Variants in STAT3 observed in about 807,000 individuals in gnomAD.
The protein encoded by STAT3 is DNA-binding protein APRF.
In STAT3, 7 loss-of-function variants were observed where a neutral mutation model predicts 114.3. The observed-to-expected ratio is 0.06, with a 90% confidence interval of 0.03 to 0.11. The LOEUF is 0.11. STAT3 is among the 10% of genes least tolerant of loss of function. The probability of loss-of-function intolerance (pLI) is 1.00; values close to 1 mark genes in which losing one functional copy is unlikely to be tolerated. For synonymous variants in STAT3, 331 were observed against 354.5 expected, an observed-to-expected ratio of 0.93 and a Z score of 0.74; for missense variants, 364 against 960.9, an observed-to-expected ratio of 0.38 and a Z score of 8.21.
chr17:42,330,394 G>C (rs1025703838), intron 11 of STAT3, among the ~76,000 whole-genome samples: 8 of 150,804 alleles, frequency 5.3e-5, no homozygotes, highest in African/African-American at 1.9e-4. Flanking sequence ...GAGATTACAG[G>C]CGTGAGCCAC....
intron 5 of STAT3, 115 bp from the exon 6 acceptor site, chr17:42,338,927 T>C (rs1000379861): frequency 3.4e-6 from 3 of 881,658 alleles, no homozygotes; most frequent in Admixed American, 4.3e-5. Context: ...AAAAGATACA[T>C]GCAGGACCTG....
chr17:42,331,469 T>C lies in STAT3; in HGVS notation c.1109+3A>G, dbSNP rs749681814. ...AAAACAGAGCTAAGATAGGAGTACT[T>C]ACTTGTCAATGCACACTTTAATTTT... is the stretch of plus-strand genomic sequence containing the variant. On this transcript the variant is annotated splice_donor_region_variant and intron_variant, in intron 11 of 23. Transcript: ENST00000264657. 2 of 1,612,866 alleles carry C rather than the reference T, an allele frequency of 1.2e-6. No homozygotes were observed. The highest frequency in any genetic ancestry group is 2.7e-5 in the African/African-American group (2 of 74,896).
chr17:42,364,238 T>C (rs897339590), intron 1 of STAT3, among the ~76,000 whole-genome samples: 1 of 152,108 alleles, frequency 6.6e-6, no homozygotes, highest in Non-Finnish European at 1.5e-5. Flanking sequence ...TATATATAGG[T>C]TTGGTTATCT....
intron 1 of STAT3, among the ~76,000 whole-genome samples, chr17:42,375,494 C>G (rs372231461): frequency 2.6e-4 from 40 of 152,318 alleles, no homozygotes; most frequent in African/African-American, 8.9e-4. Context: ...AAACTCTTCG[C>G]TCTCATGGCC....
intron 1 of STAT3, among the ~76,000 whole-genome samples, chr17:42,369,511 G>C (rs889853503): frequency 2.6e-5 from 4 of 152,132 alleles, no homozygotes; most frequent in African/African-American, 7.2e-5. Flanking sequence ...TGTGAATAGT[G>C]CTGCAAGTAA....
intron 2 of STAT3, 106 bp downstream of exon 2, chr17:42,348,283 A>G: frequency 6.7e-7 from 1 of 1,487,924 alleles, no homozygotes; most frequent in Non-Finnish European, 9.3e-7. Flanking sequence ...CATCACCTGT[A>G]CCCATACATT....
At chr17:42,368,393 C>T (rs776615472) in intron 1 of STAT3, among the ~76,000 whole-genome samples, 1 of 152,168 alleles carries the variant, frequency 6.6e-6, no homozygotes, top group Non-Finnish European at 1.5e-5. Flanking sequence ...GATATGCAGA[C>T]ACTAAAATCG....
intron 8 of STAT3, among the ~76,000 whole-genome samples, chr17:42,334,910 G>A (rs1255613157): frequency 1.3e-5 from 2 of 152,122 alleles, no homozygotes; most frequent in East Asian, 1.9e-4. Flanking sequence ...TGCAGAACAC[G>A]AAATATGGAA....
intron 1 of STAT3, among the ~76,000 whole-genome samples, chr17:42,364,708 C>T (rs891011214): frequency 6.6e-6 from 1 of 152,160 alleles, no homozygotes; most frequent in African/African-American, 2.4e-5. Context: ...GTCTCAAACT[C>T]CTGACCTCAA....
At chr17:42,367,569 T>C (rs922168180) in intron 1 of STAT3, among the ~76,000 whole-genome samples, 8 of 152,144 alleles carry the variant, frequency 5.3e-5, no homozygotes, top group Non-Finnish European at 7.4e-5. Flanking sequence ...TGATAGGCTC[T>C]TTCCCTAGAT....
At chr17:42,332,966 A>C (rs778888146) in intron 10 of STAT3, among the ~76,000 whole-genome samples, 1 of 152,176 alleles carries the variant, frequency 6.6e-6, no homozygotes, top group African/African-American at 2.4e-5. Context: ...ATGCCACTGC[A>C]CACCAGCCTG....
chr17:42,315,353 CAGA>C lies in STAT3; in HGVS notation c.*389_*391del. The C allele has an allele frequency of 2.4e-6, 1 of 422,524 alleles. No individual in the cohort carries two copies. The highest frequency in any genetic ancestry group is 4.4e-6 in the Non-Finnish European group (1 of 228,646). 26.2% of individuals were successfully genotyped at this position (422,524 alleles called of 1,614,324 possible). ...TGTGGCATTTGCTTACAGAAACAGG[CAGA>C]AGGATGCCGCAGGCACCAGGAGGCA... On this transcript the variant is annotated 3_prime_UTR_variant, in exon 24 of 24. Transcript: ENST00000264657.
intron 1 of STAT3, among the ~76,000 whole-genome samples, chr17:42,361,267 C>T (rs149949799): frequency 5.5e-4 from 83 of 152,144 alleles, no homozygotes; most frequent in Non-Finnish European, 1.0e-3. Flanking sequence ...GATCAGCTGA[C>T]GTCAGGAGTT....
At chr17:42,323,437 C>G (rs1218081663) in intron 18 of STAT3, 83 bp from the exon 19 acceptor site, 1 of 1,570,626 alleles carries the variant, frequency 6.4e-7, no homozygotes, top group African/African-American at 1.4e-5. Flanking sequence ...TCACCCAAAT[C>G]CTCAGGCCCG....
intron 2 of STAT3, among the ~76,000 whole-genome samples, chr17:42,348,060 A>G (rs1162314707): frequency 6.6e-6 from 1 of 152,244 alleles, no homozygotes; most frequent in Non-Finnish European, 1.5e-5. Flanking sequence ...CAGAATTCAC[A>G]TTCAGAGAAA....
rs397857989 is a variant in STAT3 at position 42,313,379 on chromosome 17, C to CAA, written c.*2364_*2365dup. ...AGTTAAAGTAGATACAGCAATATACCAAAAAAAAAAAAAAAAAAAAAAGAC... is the reference window on the plus strand; with the variant it reads ...AGTTAAAGTAGATACAGCAATATACCAAAAAAAAAAAAAAAAAAAAAAAAGAC... On this transcript the variant is annotated 3_prime_UTR_variant, in exon 24 of 24. Coordinates refer to ENST00000264657, the MANE Select transcript of STAT3 (RefSeq NM_139276.3). 382 of 85,998 alleles carry CAA rather than the reference C, an allele frequency of 4.4e-3. 1 individual carries two copies. The highest frequency in any genetic ancestry group is 0.012 in the African/African-American group (192 of 16,128). 5.3% of individuals were successfully genotyped at this position (85,998 alleles called of 1,614,324 possible).
chr17:42,348,578 A>G, intron 1 of STAT3, 39 bp from the exon 2 acceptor site: 8 of 1,610,110 alleles, frequency 5.0e-6, no homozygotes, highest in African/African-American at 1.3e-5. Context: ...CACAAGTCCC[A>G]GTAGGGGTAA....
At chr17:42,375,883 T>C (rs934884910) in intron 1 of STAT3, among the ~76,000 whole-genome samples, 1 of 150,528 alleles carries the variant, frequency 6.6e-6, no homozygotes, top group African/African-American at 2.4e-5. Flanking sequence ...CCGGGCGCAA[T>C]GGCTCACACC....
intron 2 of STAT3, among the ~76,000 whole-genome samples, chr17:42,346,994 A>C (rs2082727005): frequency 6.6e-6 from 1 of 151,958 alleles, no homozygotes; most frequent in Admixed American, 6.6e-5. Flanking sequence ...TTCCAGACCA[A>C]CCTGGCCAAC....
Sources: gnomAD v4.1 joint callset for allele counts (sites outside exome capture counted in the v4.1 genomes callset) on GRCh38, gnomAD v4.1.1 for gene constraint, MANE v1.5 for transcripts, NCBI Gene and HGNC (gene_info 2026-07-23, HGNC 2026-07-21) for gene names.